The following DENND5B variants were observed in gnomAD, a reference collection of about 807,000 sequenced individuals.
DENND5B encodes the protein DENN domain-containing protein 5B.
Under a neutral mutation model 140.6 loss-of-function variants are expected in DENND5B, and 34 were observed. That is an observed-to-expected ratio of 0.24 (90% CI 0.18 to 0.32). The LOEUF (loss-of-function observed/expected upper bound fraction) is 0.32, where lower values mean the gene tolerates loss of function less well. Ranked by LOEUF, DENND5B falls within the 10% of genes least tolerant of loss-of-function variation. DENND5B has a pLI of 1.00. For missense variants in DENND5B, 1,142 were observed against 1,560.2 expected (o/e 0.73, Z 4.52); for synonymous variants, 551 against 562.1 (o/e 0.98, Z 0.28).
intron 5 of DENND5B, among the ~76,000 whole-genome samples, chr12:31,449,300 TTAAG>T (rs1944406235): frequency 6.6e-6 from 1 of 152,224 alleles, no homozygotes; most frequent in Non-Finnish European, 1.5e-5. Context: ...CTTATTCACT[TTAAG>T]TAGTTCCATA....
chr12:31,511,371 T>TA (rs1947405020), intron 1 of DENND5B, among the ~76,000 whole-genome samples: 1 of 152,198 alleles, frequency 6.6e-6, no homozygotes, highest in African/African-American at 2.4e-5. Flanking sequence ...TCCAATATTT[T>TA]AAAAATTCCA....
intron 6 of DENND5B, among the ~76,000 whole-genome samples, chr12:31,443,539 C>T (rs1166996138): frequency 1.3e-5 from 2 of 152,120 alleles, no homozygotes. Flanking sequence ...GAAACAGTTT[C>T]TCTTAAGTAA....
chr12:31,536,322 T>A (rs1423347884), intron 1 of DENND5B, among the ~76,000 whole-genome samples: 1 of 152,012 alleles, frequency 6.6e-6, no homozygotes, highest in Admixed American at 6.6e-5. Flanking sequence ...AAATTCAAGA[T>A]AACACGGAGA....
intron 1 of DENND5B, among the ~76,000 whole-genome samples, chr12:31,551,953 G>A (rs543773117): frequency 6.6e-6 from 1 of 152,332 alleles, no homozygotes; most frequent in East Asian, 1.9e-4. Flanking sequence ...ATCAGCTTAA[G>A]GAGATTTTGG....
chr12:31,554,875 C>T (rs1436423263), intron 1 of DENND5B, among the ~76,000 whole-genome samples: 1 of 152,236 alleles, frequency 6.6e-6, no homozygotes, highest in Non-Finnish European at 1.5e-5. Context: ...CTGCATTCGT[C>T]ACGTAGCTCT....
At chr12:31,554,055 CCATTTA>C (rs1949178641) in intron 1 of DENND5B, among the ~76,000 whole-genome samples, 1 of 152,108 alleles carries the variant, frequency 6.6e-6, no homozygotes, top group Non-Finnish European at 1.5e-5. Context: ...AGCATTTAGC[CCATTTA>C]CATTTAAAGT....
intron 2 of DENND5B, among the ~76,000 whole-genome samples, chr12:31,484,712 A>T (rs967682272): frequency 6.6e-6 from 1 of 152,052 alleles, no homozygotes; most frequent in Non-Finnish European, 1.5e-5. Flanking sequence ...GGGGCAGGAG[A>T]ATTGCTTGAA....
At chr12:31,493,789 C>A (rs971692081) in intron 2 of DENND5B, among the ~76,000 whole-genome samples, 1 of 152,172 alleles carries the variant, frequency 6.6e-6, no homozygotes, top group Non-Finnish European at 1.5e-5. Context: ...CAAGATTGTG[C>A]CACTGCACTC....
intron 2 of DENND5B, among the ~76,000 whole-genome samples, chr12:31,487,844 T>C (rs1343617714): frequency 6.6e-6 from 1 of 152,234 alleles, no homozygotes; most frequent in Non-Finnish European, 1.5e-5. Context: ...TTTAGCACAG[T>C]GCATGGCATA....
intron 2 of DENND5B, among the ~76,000 whole-genome samples, chr12:31,492,364 T>C (rs1259206054): frequency 1.3e-5 from 2 of 152,188 alleles, no homozygotes; most frequent in African/African-American, 2.4e-5. Flanking sequence ...AGAAAACACA[T>C]GAAGGGTGGC....
chr12:31,494,131 CTCTATCTTCTA>C (rs1466024328), intron 2 of DENND5B, among the ~76,000 whole-genome samples: 2 of 149,604 alleles, frequency 1.3e-5, no homozygotes, highest in South Asian at 4.2e-4. Context: ...TTGACTATCT[CTCTATCTTCTA>C]TCTATCTATC....
At chr12:31,409,447 AGTAGTATCATG>A (rs1942320405) in intron 13 of DENND5B, 63 bp from the exon 14 acceptor site, 1 of 1,159,440 alleles carries the variant, frequency 8.6e-7, no homozygotes, top group African/African-American at 1.6e-5. Flanking sequence ...AAACCAAGAC[AGTAGTATCATG>A]TACTTTTCAT....
At chr12:31,468,124 T>C (rs1214379947) in intron 3 of DENND5B, among the ~76,000 whole-genome samples, 2 of 152,008 alleles carry the variant, frequency 1.3e-5, no homozygotes, top group African/African-American at 2.4e-5. Flanking sequence ...TGTGGTGGCA[T>C]GCACCTGTAG....
chr12:31,534,766 AT>A (rs1274652489), intron 1 of DENND5B: 1 of 406,882 alleles, frequency 2.5e-6, no homozygotes. Context: ...AGAAGGAGTG[AT>A]AGATACTTGT....
At chr12:31,443,878 A>G (rs1766596914) in intron 6 of DENND5B, 1 of 152,226 alleles carries the variant, frequency 6.6e-6, no homozygotes. Context: ...TGTCCAGAGG[A>G]TAAGAAACTG....
Position 31,495,879 on chromosome 12 carries a change from T to C in DENND5B, c.168A>G (p.Lys56=). Residue 56 remains lysine (K), a synonymous_variant, in exon 2 of 21, where the codon AAA becomes AAG. Coordinates refer to ENST00000389082, the MANE Select transcript of DENND5B (RefSeq NM_144973.4). ...GAGGATAGTGGGCGAGAACTTTGGA[T>C]TTGAATGTTCTTCTCAAAGGACTCT... is the stretch of plus-strand genomic sequence containing the variant. ...FDQSPLRRTF[K]SKVLAHYPQN... 1 of 1,613,182 alleles carries C rather than the reference T, an allele frequency of 6.2e-7. No individual in the cohort carries two copies. Among genetic ancestry groups the C allele is most frequent in the Non-Finnish European group, 8.5e-7 (1 of 1,179,616 alleles).
intron 1 of DENND5B, among the ~76,000 whole-genome samples, chr12:31,496,887 T>C (rs1447041446): frequency 2.6e-5 from 4 of 152,072 alleles, no homozygotes; most frequent in African/African-American, 4.8e-5. Context: ...TGTCAAAAAT[T>C]TGGGATCAAG....
chr12:31,523,444 T>A (rs1947975110), intron 1 of DENND5B, among the ~76,000 whole-genome samples: 2 of 152,106 alleles, frequency 1.3e-5, no homozygotes, highest in Non-Finnish European at 2.9e-5. Context: ...GCTGACACAA[T>A]CCTGGCACTT....
chr12:31,499,816 C>A, intron 1 of DENND5B: 2 of 547,978 alleles, frequency 3.6e-6, no homozygotes, highest in East Asian at 6.6e-5. Flanking sequence ...TAGCTTAACA[C>A]CAATGGAATG....
Sources: gnomAD v4.1 joint callset for allele counts (sites outside exome capture counted in the v4.1 genomes callset) on GRCh38, gnomAD v4.1.1 for gene constraint, MANE v1.5 for transcripts, NCBI Gene and HGNC (gene_info 2026-07-23, HGNC 2026-07-21) for gene names.